Variants in EGF observed in about 807,000 individuals in gnomAD.
The protein encoded by EGF is epidermal growth factor, also known as pro-epidermal growth factor.
In EGF, 95 loss-of-function variants were observed where a neutral mutation model predicts 143.8. The observed-to-expected ratio is 0.66, with a 90% confidence interval of 0.56 to 0.78. The LOEUF (loss-of-function observed/expected upper bound fraction) is 0.78, where lower values mean the gene tolerates loss of function less well. EGF is among the 30% of genes least tolerant of loss of function. EGF has a pLI of 0.00. For synonymous variants in EGF, 510 were observed against 510.5 expected (o/e 1.00, Z 0.01); for missense variants, 1,320 against 1,470.9 (o/e 0.90, Z 1.68).
In EGF at chr4:109,983,423, T is replaced by A; in HGVS notation, c.2373T>A (p.Gly791=). 1 of 1,613,462 alleles carries A rather than the reference T, an allele frequency of 6.2e-7. No individual in the cohort carries two copies. The highest frequency in any genetic ancestry group is 1.7e-5 in the Admixed American group (1 of 59,970). ...LALDGHQLLA[G]GEVDLKNQVT... is the part of the protein sequence containing the mutation. ...ATTGCATCTATTGACCTTCAATAGG[T>A]GGTGAAGTTGATCTAAAGAACCAAG... is the stretch of plus-strand genomic sequence containing the variant. The change falls in exon 16 of 24, where the codon GGT becomes GGA. Residue 791 remains glycine, a splice_region_variant and synonymous_variant. Coordinates refer to ENST00000265171, the MANE Select transcript of EGF (RefSeq NM_001963.6).
intron 2 of EGF, 69 bp downstream of exon 2, chr4:109,941,214 C>A: frequency 7.2e-7 from 1 of 1,390,698 alleles, no homozygotes; most frequent in East Asian, 2.4e-5. Context: ...ATACTGAATT[C>A]TTAATGTATA....
intron 1 of EGF, among the ~76,000 whole-genome samples, chr4:109,930,693 C>A (rs1739534321): frequency 6.6e-6 from 1 of 152,180 alleles, no homozygotes; most frequent in South Asian, 2.1e-4. Flanking sequence ...TCTCTTCTCA[C>A]TTACCTGTGT....
intron 5 of EGF, among the ~76,000 whole-genome samples, chr4:109,952,006 C>G (rs192553500): frequency 1.2e-3 from 184 of 152,064 alleles, no homozygotes; most frequent in Admixed American, 2.1e-3. Context: ...CTCTTTCTCT[C>G]TTACTTCTCC....
At chr4:109,999,629 G>A in intron 20 of EGF, 50 bp from the exon 21 acceptor site, 1 of 1,612,376 alleles carries the variant, frequency 6.2e-7, no homozygotes, top group African/African-American at 1.3e-5. Context: ...AAAACTATCA[G>A]CGTTTTTGGC....
intron 5 of EGF, among the ~76,000 whole-genome samples, chr4:109,957,459 C>T (rs927259356): frequency 1.3e-5 from 2 of 152,246 alleles, no homozygotes; most frequent in African/African-American, 4.8e-5. Flanking sequence ...TGTGCTGCCA[C>T]AGCCAGTGTA....
chr4:109,916,917 A>T (rs1339603091), intron 1 of EGF, among the ~76,000 whole-genome samples: 1 of 152,248 alleles, frequency 6.6e-6, no homozygotes, highest in Non-Finnish European at 1.5e-5. Context: ...TTAAAAATAC[A>T]TAACTCATAT....
intron 1 of EGF, among the ~76,000 whole-genome samples, chr4:109,925,488 A>G (rs946518887): frequency 6.6e-6 from 1 of 152,208 alleles, no homozygotes; most frequent in African/African-American, 2.4e-5. Context: ...GGTAAGTATT[A>G]CTATTATTCC....
At chr4:109,987,014 G>C (rs1179913534) in intron 16 of EGF, among the ~76,000 whole-genome samples, 2 of 152,048 alleles carry the variant, frequency 1.3e-5, no homozygotes, top group Non-Finnish European at 2.9e-5. Flanking sequence ...TTGCCATGTT[G>C]GTGCACAGAT....
At chr4:109,915,297 C>T (rs1029904563) in intron 1 of EGF, among the ~76,000 whole-genome samples, 2 of 152,162 alleles carry the variant, frequency 1.3e-5, no homozygotes, top group South Asian at 2.1e-4. Context: ...ATAATACCCT[C>T]GCCCACTGCT....
chr4:109,940,273 G>C (rs1274865875), intron 1 of EGF, among the ~76,000 whole-genome samples: 1 of 152,066 alleles, frequency 6.6e-6, no homozygotes, highest in Non-Finnish European at 1.5e-5. Flanking sequence ...AATGCAAAGT[G>C]CCCAGTCAAA....
intron 18 of EGF, 108 bp from the exon 19 acceptor site, chr4:109,993,139 A>G: frequency 7.0e-7 from 1 of 1,420,730 alleles, no homozygotes; most frequent in Admixed American, 1.7e-5. Flanking sequence ...CTGAGAACAT[A>G]TAGCATGACA....
chr4:109,953,091 G>A (rs1744205230), intron 5 of EGF, among the ~76,000 whole-genome samples: 1 of 152,110 alleles, frequency 6.6e-6, no homozygotes, highest in Non-Finnish European at 1.5e-5. Flanking sequence ...GGTAGTTTAG[G>A]CTTAGAAATC....
At position 110,013,746 on chromosome 4, in the gene EGF, A is replaced by T. The variant is rs1754170593; in HGVS notation, c.*2291A>T. Among the ~76,000 whole-genome samples the T allele has an allele frequency of 6.7e-6, 1 of 149,924 alleles. No homozygotes were observed. Among genetic ancestry groups the T allele is most frequent in the Non-Finnish European group, 1.5e-5 (1 of 67,276 alleles). On this transcript the variant is annotated 3_prime_UTR_variant, in exon 24 of 24. Transcript: ENST00000265171. Reference sequence around the variant, plus strand: ...ATATTGGCCTCTTTTCTAGCATCTAATAAAGGCTTAATACACTGTACTCTT... The same window carrying T: ...ATATTGGCCTCTTTTCTAGCATCTATTAAAGGCTTAATACACTGTACTCTT...
In EGF at chr4:109,945,433, A is replaced by C. The variant is rs533835591; in HGVS notation, c.940+158A>C. Among the ~76,000 whole-genome samples the C allele has an allele frequency of 6.8e-4, 103 of 152,242 alleles. No homozygotes were observed. The South Asian group carries it at 0.011, about 16-fold the overall frequency. On this transcript the variant is annotated intron_variant, in intron 5 of 23. Transcript: ENST00000265171. ...AGACCCCTGTAAGAAAAGACAGATT[A>C]ACAAGAAAAAAACAAATAGAAGGCC...
At position 110,008,197 on chromosome 4, in the gene EGF, C is replaced by T. The variant is rs1753562550; in HGVS notation, c.3337C>T (p.Pro1113Ser). The T allele has an allele frequency of 1.2e-6, 2 of 1,613,938 alleles. No homozygotes were observed. The highest frequency in any genetic ancestry group is 1.3e-5 in the African/African-American group (1 of 74,896). Residue 1113 changes from proline (P) to serine (S), a missense_variant, in exon 23 of 24, where the codon CCA becomes TCA. Coordinates refer to ENST00000265171, the MANE Select transcript of EGF (RefSeq NM_001963.6). Reference sequence around the variant, plus strand: ...CCAAGACCTCAAGAATGGGGGTCAACCAGTGGCTGGTGAGGATGGCCAGGC... The same window carrying T: ...CCAAGACCTCAAGAATGGGGGTCAATCAGTGGCTGGTGAGGATGGCCAGGC... ...EHQDLKNGGQPVAGEDGQAAD... is the reference protein window; with the variant it reads ...EHQDLKNGGQSVAGEDGQAAD...
chr4:109,938,833 G>A (rs185631029), intron 1 of EGF, among the ~76,000 whole-genome samples: 45 of 152,274 alleles, frequency 3.0e-4, no homozygotes, highest in African/African-American at 9.6e-4. Context: ...GTTTGCCTGG[G>A]TATCACCAGT....
intron 1 of EGF, among the ~76,000 whole-genome samples, chr4:109,914,021 G>T (rs11568857): frequency 1.3e-5 from 2 of 152,094 alleles, no homozygotes; most frequent in Non-Finnish European, 2.9e-5. Context: ...ACACAACTCC[G>T]GAGTTTTAGT....
intron 5 of EGF, among the ~76,000 whole-genome samples, chr4:109,947,213 T>C (rs569606571): frequency 1.5e-4 from 23 of 152,290 alleles, no homozygotes; most frequent in Admixed American, 1.4e-3. Flanking sequence ...AAATTTGTTA[T>C]AATCGTTAGG....
chr4:109,946,199 G>C (rs1459640283), intron 5 of EGF, among the ~76,000 whole-genome samples: 1 of 152,078 alleles, frequency 6.6e-6, no homozygotes, highest in Admixed American at 6.6e-5. Context: ...GGTACGTTTT[G>C]TTTGGCCTAC....
Sources: gnomAD v4.1 joint callset for allele counts (sites outside exome capture counted in the v4.1 genomes callset) on GRCh38, gnomAD v4.1.1 for gene constraint, MANE v1.5 for transcripts, NCBI Gene and HGNC (gene_info 2026-07-23, HGNC 2026-07-21) for gene names.